The following PRMT8 variants were observed in gnomAD, a reference collection of about 807,000 sequenced individuals.
PRMT8 encodes the protein protein arginine methyltransferase 8, also known as protein arginine N-methyltransferase 8.
Under a neutral mutation model 47.1 loss-of-function variants are expected in PRMT8, and 7 were observed. The observed-to-expected ratio is 0.15, with a 90% CI of 0.08 to 0.28. The LOEUF (loss-of-function observed/expected upper bound fraction) is 0.28, where lower values mean the gene tolerates loss of function less well. PRMT8 is among the 10% of genes least tolerant of loss of function. PRMT8 has a pLI of 1.00. For missense variants in PRMT8, 237 were observed against 505.4 expected (o/e 0.47, Z 5.09); for synonymous variants, 188 against 186.5 (o/e 1.01, Z -0.07).
chr12:3,482,326 A>G (rs540147900), intron 1 of PRMT8, among the ~76,000 whole-genome samples: 1 of 152,184 alleles, frequency 6.6e-6, no homozygotes, highest in Non-Finnish European at 1.5e-5. Context: ...TTCTGATACT[A>G]TTCTCCTCCT....
chr12:3,437,797 A>G (rs1307539269), intron 1 of PRMT8, among the ~76,000 whole-genome samples: 3 of 152,006 alleles, frequency 2.0e-5, no homozygotes, highest in African/African-American at 7.3e-5. Flanking sequence ...AAGGCCTTCA[A>G]CTGCAAAATG....
At chr12:3,441,257 G>A (rs927067135) in intron 1 of PRMT8, among the ~76,000 whole-genome samples, 26 of 152,076 alleles carry the variant, frequency 1.7e-4, no homozygotes, top group African/African-American at 6.3e-4. Context: ...TACTTTTGTA[G>A]CATCTCTTTA....
intron 1 of PRMT8, among the ~76,000 whole-genome samples, chr12:3,440,460 A>AAAAC (rs1248852799): frequency 9.7e-6 from 1 of 102,634 alleles, no homozygotes; most frequent in East Asian, 3.7e-4. Flanking sequence ...AGACTCCGTC[A>AAAAC]AAACAAACAA....
chr12:3,577,762 C>T (rs1432984678), intron 7 of PRMT8, among the ~76,000 whole-genome samples: 2 of 152,106 alleles, frequency 1.3e-5, no homozygotes, highest in African/African-American at 2.4e-5. Flanking sequence ...ATGTGACCCA[C>T]GGTAGCCAAA....
In PRMT8 at chr12:3,552,869, C is replaced by A. The variant is rs756425306; in HGVS notation, c.418-782C>A. On this transcript the variant is annotated intron_variant, in intron 3 of 9. Transcript: ENST00000382622. This position sits in a 1 kb window ranked among gnomAD's most constrained non-coding sequence, Gnocchi z 4.5. ...GCCCAGGGCCTTAGCACAGGCCAGCCTCTGTAAGAGAGCCGGCTCCGGAGG... is the reference window on the plus strand; with the variant it reads ...GCCCAGGGCCTTAGCACAGGCCAGCATCTGTAAGAGAGCCGGCTCCGGAGG... 3 of 438,184 alleles carry A rather than the reference C, an allele frequency of 6.8e-6. No individual in the cohort carries two copies. The highest frequency in any genetic ancestry group is 1.4e-5 in the Non-Finnish European group (3 of 217,448). The allele number at this position is 438,184 out of a possible 1,614,324, so 27.1% of individuals were successfully genotyped here.
chr12:3,515,455 T>G (rs944364675), intron 1 of PRMT8, among the ~76,000 whole-genome samples: 1 of 152,208 alleles, frequency 6.6e-6, no homozygotes, highest in Non-Finnish European at 1.5e-5. Flanking sequence ...ACATGGCACA[T>G]GTATACATAC....
chr12:3,479,463 A>T (rs1865251676), intron 1 of PRMT8, among the ~76,000 whole-genome samples: 1 of 152,176 alleles, frequency 6.6e-6, no homozygotes, highest in South Asian at 2.1e-4. Flanking sequence ...TCATCATAGG[A>T]TGTACAACCT....
At chr12:3,403,476 A>C (rs2137052125) in intron 1 of PRMT8, among the ~76,000 whole-genome samples, 1 of 151,804 alleles carries the variant, frequency 6.6e-6, no homozygotes, top group South Asian at 2.1e-4. Context: ...TTAAAATAAA[A>C]GTTGAAGAAA....
In PRMT8 at chr12:3,592,239, G is replaced by T; in HGVS notation, c.988G>T (p.Ala330Ser). The T allele has an allele frequency of 6.4e-7, 1 of 1,567,708 alleles. No homozygotes were observed. The highest frequency in any genetic ancestry group is 8.6e-7 in the Non-Finnish European group (1 of 1,162,760). ...GTTCTCTCACCCCTCAGCCCCTGAT[G>T]CTCCCTACACCCACTGGAAGCAGAC... is the stretch of plus-strand genomic sequence containing the variant. ...KKMGFSTAPD[A>S]PYTHWKQTVF... The change falls in exon 9 of 10, where the codon GCT (alanine) becomes TCT (serine). Residue 330 changes from alanine (A) to serine (S), a missense_variant. By Grantham distance (99) the Ala-to-Ser change is moderately conservative (BLOSUM62 1). This residue lies in a region of PRMT8 where 151 missense variants were observed against 341.1 expected (regional missense o/e 0.44). Transcript: ENST00000382622.
At chr12:3,541,044 G>A (rs1280506502) in intron 2 of PRMT8, among the ~76,000 whole-genome samples, 2 of 152,308 alleles carry the variant, frequency 1.3e-5, no homozygotes, top group African/African-American at 4.8e-5. Flanking sequence ...AGGTGCTTAC[G>A]GTCCATTTGT....
At chr12:3,426,944 G>A (rs1188831449) in intron 1 of PRMT8, among the ~76,000 whole-genome samples, 1 of 152,094 alleles carries the variant, frequency 6.6e-6, no homozygotes, top group African/African-American at 2.4e-5. Context: ...GTGATCGTCA[G>A]GCTGGTGCTG....
intron 8 of PRMT8, among the ~76,000 whole-genome samples, chr12:3,586,929 T>C (rs924687686): frequency 6.6e-6 from 1 of 152,250 alleles, no homozygotes; most frequent in South Asian, 2.1e-4. Flanking sequence ...GTTGAGTTGC[T>C]TTCTCAGCCA....
At chr12:3,553,510 C>T in intron 3 of PRMT8, 141 bp from the exon 4 acceptor site, 1 of 731,928 alleles carries the variant, frequency 1.4e-6, no homozygotes, top group South Asian at 1.7e-5. Context: ...TTTCGGTTTT[C>T]AGTCTGCCAC....
chr12:3,567,302 C>G (rs766152135), intron 4 of PRMT8, among the ~76,000 whole-genome samples: 22 of 152,202 alleles, frequency 1.4e-4, no homozygotes, highest in Non-Finnish European at 2.8e-4. Context: ...GGTCAAGTAA[C>G]TTGTCTAAAG....
In PRMT8 at chr12:3,453,743, G is replaced by A. The variant is rs1260214582; in HGVS notation, c.48+72301G>A. Reference sequence around the variant, plus strand: ...CCACACATCTCCTGCGGCACCCTGTGGTCTGTGTCCTGACGTGGCCCGACT... The same window carrying A: ...CCACACATCTCCTGCGGCACCCTGTAGTCTGTGTCCTGACGTGGCCCGACT... On this transcript the variant is annotated intron_variant, in intron 1 of 9. Coordinates refer to the PRMT8 transcript ENST00000452611. This position sits in a 1 kb window ranked among gnomAD's most constrained non-coding sequence, Gnocchi z 4.9. Among the ~76,000 whole-genome samples the A allele has an allele frequency of 2.0e-5, 3 of 152,090 alleles. No individual in the cohort carries two copies. The highest frequency in any genetic ancestry group is 7.2e-5 in the African/African-American group (3 of 41,404).
chr12:3,403,770 G>A (rs979356503), intron 1 of PRMT8, among the ~76,000 whole-genome samples: 1 of 151,040 alleles, frequency 6.6e-6, no homozygotes, highest in Non-Finnish European at 1.5e-5. Context: ...CCAGCTACTC[G>A]GGAAGCTGAG....
intron 1 of PRMT8, among the ~76,000 whole-genome samples, chr12:3,527,372 G>A (rs994757570): frequency 1.3e-5 from 2 of 152,110 alleles, no homozygotes; most frequent in Admixed American, 6.5e-5. Flanking sequence ...GCTGGACAAA[G>A]GGATGATTCA....
chr12:3,569,696 C>G lies in PRMT8; in HGVS notation c.712+132C>G, dbSNP rs1451220516. 1.3e-6 allele frequency: 1 copy of G among 754,266 alleles called. No individual in the cohort carries two copies. The highest frequency in any genetic ancestry group is 2.4e-6 in the Non-Finnish European group (1 of 425,182). 46.7% of individuals were successfully genotyped at this position (754,266 alleles called of 1,614,324 possible). On this transcript the variant is annotated intron_variant, in intron 6 of 9. Coordinates refer to ENST00000382622, the MANE Select transcript of PRMT8 (RefSeq NM_019854.5). This position sits in a 1 kb window ranked among gnomAD's most constrained non-coding sequence, Gnocchi z 8.2. ...CCCTGAAGAGGAGCTTATCTGGGAC[C>G]CTTTCTGGAGTCTGCTCTCTAAATG...
chr12:3,542,615 C>T lies in PRMT8; in HGVS notation c.261+1824C>T, dbSNP rs117113756. Among the ~76,000 whole-genome samples the T allele has an allele frequency of 8.5e-5, 13 of 152,342 alleles. No individual in the cohort carries two copies. In the East Asian group the frequency reaches 2.5e-3, roughly 29 times the overall value. ...AGTTCCAGGGACCCCAAAATGTCTC[C>T]TCTTGGGCCTGCCCAGAACTCCCCC... On this transcript the variant is annotated intron_variant, in intron 2 of 9. Coordinates refer to ENST00000382622, the MANE Select transcript of PRMT8 (RefSeq NM_019854.5).
Sources: gnomAD v4.1 joint callset for allele counts (sites outside exome capture counted in the v4.1 genomes callset) on GRCh38, gnomAD v4.1.1 for gene constraint, gnomAD v4.1.1 regional missense constraint, Gnocchi (gnomAD v3.1) non-coding constraint, MANE v1.5 for transcripts, NCBI Gene and HGNC (gene_info 2026-07-23, HGNC 2026-07-21) for gene names.